Variants in GAREM2 observed in about 807,000 individuals in gnomAD.
The protein encoded by GAREM2 is GRB2 associated regulator of MAPK1 subtype 2, also known as GRB2-associated and regulator of MAPK protein 2.
In GAREM2, 30 loss-of-function variants were observed where a neutral mutation model predicts 55.6. The observed-to-expected ratio is 0.54, with a 90% CI of 0.40 to 0.73. The LOEUF (loss-of-function observed/expected upper bound fraction) is 0.73, where lower values mean the gene tolerates loss of function less well. Ranked by LOEUF, GAREM2 falls within the 30% of genes least tolerant of loss-of-function variation. The pLI, the probability that GAREM2 is intolerant of heterozygous loss-of-function variation, is 0.00. For missense variants in GAREM2, 1,075 were observed against 1,257.7 expected, an observed-to-expected ratio of 0.85 and a Z score of 2.20; for synonymous variants, 550 against 569.1, an observed-to-expected ratio of 0.97 and a Z score of 0.48.
At chr2:26,201,185 A>G in the GAREM2 span, 1 of 1,613,852 alleles carries the variant, frequency 6.2e-7, no homozygotes, top group African/African-American at 1.3e-5. Flanking sequence ...GCTTAAGACT[A>G]AGGTCCTCAA....
rs1669207191 is a variant in GAREM2, at chr2:26,185,219, A to G, written c.1371A>G (p.Gly457=). 2.0e-6 allele frequency: 3 copies of G among 1,520,984 alleles called. No individual in the cohort carries two copies. Among genetic ancestry groups the G allele is most frequent in the Non-Finnish European group, 2.6e-6 (3 of 1,141,194 alleles). The allele number at this position is 1,520,984 out of a possible 1,614,324, so 94.2% of individuals were successfully genotyped here. ...GLDLISFGAA[G]PPRREPEAPP... is the part of the protein sequence containing the mutation. The stretch of plus-strand genomic sequence containing the variant: ...ATCTCATCTCCTTCGGGGCCGCGGG[A>G]CCGCCGCGTCGGGAGCCGGAAGCGC... Residue 457 remains glycine, a synonymous_variant, in exon 4 of 6, where the codon GGA becomes GGG. Transcript: ENST00000401533.
rs555998750 is a variant in GAREM2, at chr2:26,188,107, G to A, written c.2475G>A (p.Glu825=). 1.9e-6 allele frequency: 3 copies of A among 1,551,240 alleles called. No homozygotes were observed. Among genetic ancestry groups the A allele is most frequent in the African/African-American group, 1.4e-5 (1 of 73,178 alleles). Residue 825 remains glutamate (E), a synonymous_variant, in exon 6 of 6, where the codon GAG becomes GAA. Coordinates refer to ENST00000401533, the MANE Select transcript of GAREM2 (RefSeq NM_001168241.2). ...GTCTGCGTTTCATCGGGCTCTCAGAGGATGTGGTGAGCTTCTTTGCCCGAG... is the reference window on the plus strand; with the variant it reads ...GTCTGCGTTTCATCGGGCTCTCAGAAGATGTGGTGAGCTTCTTTGCCCGAG... ...SRSLRFIGLS[E]DVVSFFARER...
chr2:26,191,444 A>C, downstream of GAREM2: 1 of 1,614,186 alleles, frequency 6.2e-7, no homozygotes. Context: ...CACGGGCTCC[A>C]GGCTAAAGTG....
intron 2 of GAREM2, among the ~76,000 whole-genome samples, chr2:26,176,784 T>C (rs1668879123): frequency 6.6e-6 from 1 of 152,200 alleles, no homozygotes; most frequent in African/African-American, 2.4e-5. Context: ...CTTCAGGGTA[T>C]ACCTTCGGCT....
intron 2 of GAREM2, 128 bp downstream of exon 2, chr2:26,176,612 C>T: frequency 1.2e-6 from 1 of 813,976 alleles, no homozygotes; most frequent in Non-Finnish European, 1.7e-6. Context: ...GAGTCAGAGC[C>T]CAGCAGTTTT....
chr2:26,197,462 T>G, the GAREM2 span, among the ~76,000 whole-genome samples: 1 of 152,236 alleles, frequency 6.6e-6, no homozygotes, highest in African/African-American at 2.4e-5. Context: ...ATCCTGAACC[T>G]GAAAAATAAT....
chr2:26,186,781 G>A (rs762444052), intron 5 of GAREM2, among the ~76,000 whole-genome samples: 5 of 152,208 alleles, frequency 3.3e-5, no homozygotes, highest in Non-Finnish European at 4.4e-5. Context: ...TTCAAGACCA[G>A]CCTGGCTAAC....
chr2:26,184,154 C>T, intron 3 of GAREM2, 79 bp from the exon 4 acceptor site: 1 of 1,521,728 alleles, frequency 6.6e-7, no homozygotes, highest in Middle Eastern at 1.7e-4. Context: ...GCTGTTTTCC[C>T]TTTCCAGTCT....
At chr2:26,194,511 G>T, downstream of GAREM2, 1 of 1,030,614 alleles carries the variant, frequency 9.7e-7, no homozygotes, top group Non-Finnish European at 1.5e-6. Context: ...GACATCATGA[G>T]TTTTAGAGTG....
At chr2:26,196,849 C>T in the GAREM2 span, among the ~76,000 whole-genome samples, 1 of 152,148 alleles carries the variant, frequency 6.6e-6, no homozygotes, top group South Asian at 2.1e-4. Flanking sequence ...GCCAGACTGT[C>T]CATCTGTAGA....
Position 26,183,097 on chromosome 2 carries a change from G to A in GAREM2, c.384G>A (p.Lys128=), listed in dbSNP as rs1156695391. 7.7e-6 allele frequency: 12 copies of A among 1,551,670 alleles called. No homozygotes were observed. The highest frequency in any genetic ancestry group is 1.0e-5 in the Non-Finnish European group (12 of 1,146,950). Residue 128 remains lysine, a splice_region_variant and synonymous_variant, in exon 3 of 6, where the codon AAG becomes AAA. Coordinates refer to ENST00000401533, the MANE Select transcript of GAREM2 (RefSeq NM_001168241.2). The part of the protein sequence containing the change: ...FVMEAITFSV[K]VVSGEFSEDS... The stretch of plus-strand genomic sequence containing the variant: ...TGGAAGCCATCACCTTCAGCGTCAA[G>A]GTCAGTCACTCCCTCACCAGGTGTG...
At position 26,179,422 on chromosome 2, in the gene GAREM2, G is replaced by T. The variant is rs188483164; in HGVS notation, c.253+2938G>T. ...AGGGTGGGATTCAGCCAGATTTGTCGCACTCCAAAGCCTGAGCTTTTACCC... is the reference window on the plus strand; with the variant it reads ...AGGGTGGGATTCAGCCAGATTTGTCTCACTCCAAAGCCTGAGCTTTTACCC... On this transcript the variant is annotated intron_variant, in intron 2 of 5. Transcript: ENST00000401533. The surrounding 1 kb of genome is among the most constrained non-coding windows in gnomAD (Gnocchi z 4.7). Among the ~76,000 whole-genome samples, 6 of 152,202 alleles carry T rather than the reference G, an allele frequency of 3.9e-5. No homozygotes were observed. The highest frequency in any genetic ancestry group is 1.4e-4 in the African/African-American group (6 of 41,446).
the GAREM2 span, among the ~76,000 whole-genome samples, chr2:26,198,387 T>G: frequency 1.2e-4 from 18 of 152,052 alleles, no homozygotes; most frequent in African/African-American, 3.9e-4. Flanking sequence ...TTTGTTTTTT[T>G]TTTTTAAAGA....
intron 5 of GAREM2, among the ~76,000 whole-genome samples, chr2:26,186,797 G>A (rs1026226341): frequency 1.7e-4 from 26 of 152,126 alleles, no homozygotes; most frequent in African/African-American, 3.4e-4. Flanking sequence ...CTAACATGGC[G>A]AAACTCCATG....
the GAREM2 span, among the ~76,000 whole-genome samples, chr2:26,195,872 T>G: frequency 6.6e-6 from 1 of 152,218 alleles, no homozygotes; most frequent in African/African-American, 2.4e-5. Context: ...AGATTTGTTT[T>G]AATAATCCCT....
chr2:26,184,355 G>T lies in GAREM2; in HGVS notation c.507G>T (p.Ser169=). ...GCGCCAAGACCACCAAGGAGCGCTC[G>T]CGCTTCACCACCCTCCTGCGAAAGC... is the stretch of plus-strand genomic sequence containing the variant. ...ILCAKTTKER[S]RFTTLLRKLG... is the part of the protein sequence containing the mutation. The change falls in exon 4 of 6, where the codon TCG becomes TCT. Residue 169 remains serine, a synonymous_variant. Coordinates refer to ENST00000401533, the MANE Select transcript of GAREM2 (RefSeq NM_001168241.2). 6.5e-7 allele frequency: 1 copy of T among 1,548,430 alleles called. No homozygotes were observed. The highest frequency in any genetic ancestry group is 8.7e-7 in the Non-Finnish European group (1 of 1,145,556).
At chr2:26,195,028 G>C in the GAREM2 span, 1 of 1,257,094 alleles carries the variant, frequency 8.0e-7, no homozygotes, top group Non-Finnish European at 1.2e-6. Context: ...AACAAGCCTG[G>C]AGGTAAAAGG....
At chr2:26,189,996 G>A (rs1172545889), downstream of GAREM2, among the ~76,000 whole-genome samples, 2 of 152,228 alleles carry the variant, frequency 1.3e-5, no homozygotes, top group South Asian at 2.1e-4. Context: ...GCAGAATGCC[G>A]GCTTCAGGCT....
chr2:26,195,282 C>A, the GAREM2 span: 1 of 1,517,660 alleles, frequency 6.6e-7, no homozygotes, highest in East Asian at 2.2e-5. Context: ...GGGTGAGGAA[C>A]CTGAGAGCAT....
Sources: gnomAD v4.1 joint callset for allele counts (sites outside exome capture counted in the v4.1 genomes callset) on GRCh38, gnomAD v4.1.1 for gene constraint, Gnocchi (gnomAD v3.1) non-coding constraint, MANE v1.5 for transcripts, NCBI Gene and HGNC (gene_info 2026-07-23, HGNC 2026-07-21) for gene names.